Variants in MPV17 observed in about 807,000 individuals in gnomAD.
MPV17 encodes the protein mitochondrial inner membrane protein MPV17, also known as MPV17, mitochondrial inner membrane protein.
Under a neutral mutation model 28.6 loss-of-function variants are expected in MPV17, and 31 were observed. The observed-to-expected ratio is 1.08, with a 90% CI of 0.81 to 1.46. The LOEUF is 1.46. Ranked by LOEUF, MPV17 falls within the 40% of genes most tolerant of loss-of-function variation. MPV17 has a pLI of 0.00. For missense variants in MPV17, 198 were observed against 216.2 expected, an observed-to-expected ratio of 0.92 and a Z score of 0.53; for synonymous variants, 87 against 85.3, an observed-to-expected ratio of 1.02 and a Z score of -0.11.
chr2:27,314,101 G>GA (rs1679559408), intron 2 of MPV17, among the ~76,000 whole-genome samples: 1 of 152,178 alleles, frequency 6.6e-6, no homozygotes, highest in Non-Finnish European at 1.5e-5. Flanking sequence ...GAGGCAGGAG[G>GA]ATTGCTTGAG....
chr2:27,320,034 G>A (rs1433444178), intron 2 of MPV17, among the ~76,000 whole-genome samples: 1 of 149,564 alleles, frequency 6.7e-6, no homozygotes, highest in Non-Finnish European at 1.5e-5. Context: ...TCAAGTGTCC[G>A]AGACCAGCCT....
intron 3 of MPV17, 85 bp downstream of exon 3, chr2:27,312,909 G>T: frequency 1.3e-6 from 2 of 1,555,388 alleles, no homozygotes; most frequent in Non-Finnish European, 1.8e-6. Context: ...TGGCTTAGGT[G>T]TGAGAGTCCA....
intron 2 of MPV17, chr2:27,315,914 G>A (rs1679633418): frequency 2.1e-6 from 3 of 1,437,718 alleles, no homozygotes; most frequent in Admixed American, 5.7e-5. Context: ...TTGGTAAGGA[G>A]TGCAGTTGGA....
intron 2 of MPV17, chr2:27,315,984 C>G: frequency 6.6e-7 from 1 of 1,515,196 alleles, no homozygotes; most frequent in Non-Finnish European, 8.8e-7. Flanking sequence ...CTGGCATGGG[C>G]TGAGATGGGC....
chr2:27,320,515 T>C (rs1679819377), intron 2 of MPV17, among the ~76,000 whole-genome samples: 1 of 152,064 alleles, frequency 6.6e-6, no homozygotes, highest in African/African-American at 2.4e-5. Context: ...TTTGTATTTT[T>C]AGTAGAGACG....
In MPV17 at chr2:27,319,884, C is replaced by T. The variant is rs141198923; in HGVS notation, c.70+2564G>A. ...GAGGTTGCAGTGAGCTGATATAGCA[C>T]CACCACTCTCCAGCCTGGGTAACAG... On this transcript the variant is annotated intron_variant, in intron 2 of 7. Coordinates refer to ENST00000380044, the MANE Select transcript of MPV17 (RefSeq NM_002437.5). 4.6e-4 allele frequency among the ~76,000 whole-genome samples: 69 copies of T among 150,096 alleles called. 1 individual carries two copies. The East Asian group carries it at 0.013, about 29-fold the overall frequency.
At chr2:27,311,249 T>C (rs750805493) in intron 7 of MPV17, 1 of 246,236 alleles carries the variant, frequency 4.1e-6, no homozygotes, top group Non-Finnish European at 7.9e-6. Context: ...TCTGTAGAGA[T>C]GAGGTCTCAC....
intron 2 of MPV17, among the ~76,000 whole-genome samples, chr2:27,321,338 C>T (rs570913468): frequency 6.6e-6 from 1 of 152,276 alleles, no homozygotes; most frequent in South Asian, 2.1e-4. Context: ...GGTTGGGCAC[C>T]GGAGACTGGA....
intron 2 of MPV17, chr2:27,313,363 A>C: frequency 1.4e-6 from 1 of 724,662 alleles, no homozygotes; most frequent in Non-Finnish European, 2.2e-6. Flanking sequence ...TTGAGCAGTA[A>C]AGGGAAGTCA....
intron 2 of MPV17, chr2:27,316,819 T>C (rs1679671534): frequency 2.3e-6 from 1 of 428,672 alleles, no homozygotes; most frequent in South Asian, 3.4e-5. Flanking sequence ...TGGGCAGTGA[T>C]GCCCAATGAC....
chr2:27,317,262 TA>T lies in MPV17; in HGVS notation c.71-4154del, dbSNP rs933640107. The T allele has an allele frequency of 4.9e-5, 75 of 1,522,816 alleles. No homozygotes were observed. In the African/African-American group the frequency reaches 9.4e-4, roughly 19 times the overall value. The allele number at this position is 1,522,816 out of a possible 1,614,324, so 94.3% of individuals were successfully genotyped here. On this transcript the variant is annotated intron_variant, in intron 2 of 7. Transcript: ENST00000380044. The surrounding 1 kb of genome is among the most constrained non-coding windows in gnomAD (Gnocchi z 4.0). The stretch of plus-strand genomic sequence containing the variant: ...GCAAACATTAGTTAGCTGCCTAGGA[TA>T]GGGGCTCAGTCTGGCACAGAGCCCA...
intron 7 of MPV17, 134 bp from the exon 8 acceptor site, chr2:27,310,115 C>T (rs1679374553): frequency 4.0e-6 from 3 of 749,934 alleles, no homozygotes; most frequent in South Asian, 1.5e-5. Flanking sequence ...CCTTCAGCAC[C>T]TTTTTTTTGA....
chr2:27,313,423 A>T, intron 2 of MPV17: 1 of 591,224 alleles, frequency 1.7e-6, no homozygotes, highest in Non-Finnish European at 3.0e-6. Flanking sequence ...CACAGGGCTG[A>T]GAACCACAGA....
At chr2:27,311,784 C>G in intron 7 of MPV17, 115 bp downstream of exon 7, 1 of 1,560,412 alleles carries the variant, frequency 6.4e-7, no homozygotes, top group Non-Finnish European at 8.7e-7. Flanking sequence ...CTGATCACGG[C>G]TCAGTGTTCC....
At chr2:27,316,201 G>A in intron 2 of MPV17, 1 of 1,551,056 alleles carries the variant, frequency 6.4e-7, no homozygotes, top group Non-Finnish European at 8.7e-7. Flanking sequence ...GAAAGAAACA[G>A]AGAAGTGTGT....
At chr2:27,315,867 C>G in intron 2 of MPV17, 1 of 1,366,454 alleles carries the variant, frequency 7.3e-7, no homozygotes. Context: ...CAGCCTACAC[C>G]CCCATTTAAT....
chr2:27,316,129 C>T (rs1200103029), intron 2 of MPV17: 8 of 1,551,012 alleles, frequency 5.2e-6, no homozygotes, highest in Middle Eastern at 1.7e-4. Flanking sequence ...TCTTTACTCC[C>T]CCAAATTCCA....
At chr2:27,320,270 C>T (rs577192962) in intron 2 of MPV17, among the ~76,000 whole-genome samples, 36 of 151,550 alleles carry the variant, frequency 2.4e-4, no homozygotes, top group Admixed American at 7.9e-4. Flanking sequence ...ATGTCCAAAA[C>T]CTTTTCACAG....
chr2:27,310,713 G>C (rs989803553), intron 7 of MPV17, among the ~76,000 whole-genome samples: 3 of 152,128 alleles, frequency 2.0e-5, no homozygotes, highest in Non-Finnish European at 4.4e-5. Flanking sequence ...TAATGTTTAG[G>C]ATTTGGTTCA....
Sources: gnomAD v4.1 joint callset for allele counts (sites outside exome capture counted in the v4.1 genomes callset) on GRCh38, gnomAD v4.1.1 for gene constraint, Gnocchi (gnomAD v3.1) non-coding constraint, MANE v1.5 for transcripts, NCBI Gene and HGNC (gene_info 2026-07-23, HGNC 2026-07-21) for gene names.